The following PRDX3 variants were observed in gnomAD, a reference collection of about 807,000 sequenced individuals.
PRDX3 encodes thioredoxin-dependent peroxide reductase, mitochondrial.
In PRDX3, 20 loss-of-function variants were observed where a neutral mutation model predicts 30.4. The observed-to-expected ratio is 0.66, with a 90% CI of 0.46 to 0.96. The LOEUF (loss-of-function observed/expected upper bound fraction) is 0.96, where lower values mean the gene tolerates loss of function less well. PRDX3 is among the 40% of genes least tolerant of loss of function. PRDX3 has a pLI of 0.00. For synonymous variants in PRDX3, 124 were observed against 117.8 expected (o/e 1.05, Z -0.34); for missense variants, 322 against 318.3 (o/e 1.01, Z -0.09).
chr10:119,175,414 G>C (rs190235300), intron 2 of PRDX3, among the ~76,000 whole-genome samples: 78 of 152,276 alleles, frequency 5.1e-4, no homozygotes, highest in Non-Finnish European at 2.9e-5. Flanking sequence ...ACAGAGTCAA[G>C]GGCGGAGTCT....
At chr10:119,169,029 C>T in intron 6 of PRDX3, 148 bp downstream of exon 6, 1 of 778,616 alleles carries the variant, frequency 1.3e-6, no homozygotes. Flanking sequence ...CCCCACCCCA[C>T]CCCCTCTACC....
At chr10:119,176,882 G>C in intron 2 of PRDX3, 139 bp downstream of exon 2, 2 of 982,086 alleles carry the variant, frequency 2.0e-6, no homozygotes, top group Non-Finnish European at 1.5e-6. Context: ...ACTTGTCTGG[G>C]GTGGGACGGG....
At chr10:119,174,682 G>C in intron 2 of PRDX3, 90 bp from the exon 3 acceptor site, 1 of 1,267,432 alleles carries the variant, frequency 7.9e-7, no homozygotes, top group Admixed American at 3.1e-5. Flanking sequence ...TTAATTAGTA[G>C]TATAAAGTGC....
chr10:119,168,593 G>C (rs1295747714), intron 6 of PRDX3, 60 bp from the exon 7 acceptor site: 1 of 1,588,692 alleles, frequency 6.3e-7, no homozygotes, highest in African/African-American at 1.4e-5. Flanking sequence ...AGTCCCAAAA[G>C]TGAGTGGCAA....
intron 2 of PRDX3, 67 bp from the exon 3 acceptor site, chr10:119,174,659 A>C: frequency 7.0e-7 from 1 of 1,419,748 alleles, no homozygotes; most frequent in Non-Finnish European, 9.4e-7. Flanking sequence ...GATTTTATTT[A>C]AACTTCTCAT....
At chr10:119,178,727 C>G in intron 1 of PRDX3, 28 bp downstream of exon 1, 1 of 1,550,786 alleles carries the variant, frequency 6.4e-7, no homozygotes, top group African/African-American at 1.4e-5. Flanking sequence ...AGTGTCTCCA[C>G]GCCTGTCCCC....
In PRDX3 at chr10:119,177,046, G is replaced by A. The variant is rs1395988777; in HGVS notation, c.144C>T (p.Ser48=). The A allele has an allele frequency of 1.9e-6, 3 of 1,614,096 alleles. No individual in the cohort carries two copies. Among genetic ancestry groups the A allele is most frequent in the Admixed American group, 1.7e-5 (1 of 60,018 alleles). ...TGGTGCTGAATAATTTTGCTTGACT[G>A]GAACCAGAACACAATAAATTTGTCA... ...TSLTNLLCSG[S]SQAKLFSTSS... The change falls in exon 2 of 7, where the codon TCC becomes TCT. Residue 48 remains serine, a synonymous_variant. Transcript: ENST00000298510.
chr10:119,173,638 CT>C, intron 4 of PRDX3, 98 bp downstream of exon 4: 1 of 1,399,892 alleles, frequency 7.1e-7, no homozygotes, highest in Non-Finnish European at 9.7e-7. Flanking sequence ...AAACCCAACC[CT>C]TGCGTAATTT....
chr10:119,175,519 C>G (rs900160389), intron 2 of PRDX3, among the ~76,000 whole-genome samples: 6 of 152,180 alleles, frequency 3.9e-5, no homozygotes, highest in Non-Finnish European at 8.8e-5. Context: ...CCTCAGCCTC[C>G]CGAGTAGCTG....
chr10:119,176,197 G>A (rs953956160), intron 2 of PRDX3, among the ~76,000 whole-genome samples: 2 of 152,306 alleles, frequency 1.3e-5, no homozygotes, highest in East Asian at 3.9e-4. Flanking sequence ...ACCCAGGAAT[G>A]AGCGACAGAG....
At chr10:119,169,064 T>A in intron 6 of PRDX3, 113 bp downstream of exon 6, 6 of 931,300 alleles carry the variant, frequency 6.4e-6, no homozygotes, top group African/African-American at 1.7e-5. Context: ...CCCATTTGCA[T>A]ATCATCTGCA....
At position 119,168,426 on chromosome 10, in the gene PRDX3, G is replaced by A. The variant is rs1338266889; in HGVS notation, c.*54C>T. ...ACCATCTTGAAAATGATAAAAGCAG[G>A]TTTCAACTGTGGTTCTTCTCTCAGT... On this transcript the variant is annotated 3_prime_UTR_variant, in exon 7 of 7. Transcript: ENST00000298510. 4.4e-6 allele frequency: 7 copies of A among 1,608,686 alleles called. No homozygotes were observed. The East Asian group carries it at 1.1e-4, about 26-fold the overall frequency.
Position 119,168,434 on chromosome 10 carries a change from T to C in PRDX3, c.*46A>G. ...GAAAATGATAAAAGCAGGTTTCAAC[T>C]GTGGTTCTTCTCTCAGTTGAGAAGG... On this transcript the variant is annotated 3_prime_UTR_variant, in exon 7 of 7. Transcript: ENST00000298510. 1 of 1,610,132 alleles carries C rather than the reference T, an allele frequency of 6.2e-7. No homozygotes were observed. The highest frequency in any genetic ancestry group is 1.1e-5 in the South Asian group (1 of 90,212).
At chr10:119,178,357 A>G (rs1848093767) in intron 1 of PRDX3, among the ~76,000 whole-genome samples, 1 of 152,146 alleles carries the variant, frequency 6.6e-6, no homozygotes, top group Non-Finnish European at 1.5e-5. Context: ...GCGCGTTTTT[A>G]TCCAGTATTT....
intron 2 of PRDX3, among the ~76,000 whole-genome samples, chr10:119,175,525 A>G (rs1319496195): frequency 1.3e-5 from 2 of 152,130 alleles, no homozygotes; most frequent in African/African-American, 4.8e-5. Context: ...CCTCCCGAGT[A>G]GCTGGGACCA....
At chr10:119,168,719 G>T (rs1462163293) in intron 6 of PRDX3, among the ~76,000 whole-genome samples, 186 bp from the exon 7 acceptor site, 6 of 151,144 alleles carry the variant, frequency 4.0e-5, no homozygotes, top group Admixed American at 3.3e-4. Context: ...GGCTCACGCC[G>T]GTAATCCCAG....
chr10:119,171,932 C>A (rs979479573), intron 5 of PRDX3, among the ~76,000 whole-genome samples: 1 of 152,176 alleles, frequency 6.6e-6, no homozygotes, highest in African/African-American at 2.4e-5. Flanking sequence ...AGGTGTGTGT[C>A]CCCATGGAAG....
At chr10:119,174,645 C>T in intron 2 of PRDX3, 53 bp from the exon 3 acceptor site, 1 of 1,481,458 alleles carries the variant, frequency 6.8e-7, no homozygotes, top group South Asian at 1.4e-5. Context: ...TGTCAAGCAC[C>T]TATGATTTTA....
chr10:119,171,072 G>C (rs1019217608), intron 5 of PRDX3: 1 of 153,734 alleles, frequency 6.5e-6, no homozygotes, highest in Non-Finnish European at 1.4e-5. Context: ...ACAGAGTCTT[G>C]CTCTGTCGCC....
Sources: gnomAD v4.1 joint callset for allele counts (sites outside exome capture counted in the v4.1 genomes callset) on GRCh38, gnomAD v4.1.1 for gene constraint, MANE v1.5 for transcripts, NCBI Gene and HGNC (gene_info 2026-07-23, HGNC 2026-07-21) for gene names.